The following KLF8 variants were observed in gnomAD, a reference collection of about 807,000 sequenced individuals.
KLF8 encodes the protein KLF transcription factor 8, also known as Krueppel-like factor 8.
KLF8 carries 10 observed loss-of-function variants against 18.2 expected under a neutral mutation model. The observed-to-expected ratio is 0.55, with a 90% CI of 0.34 to 0.93. KLF8 has a LOEUF of 0.93. Ranked by LOEUF, KLF8 falls within the 40% of genes least tolerant of loss-of-function variation. KLF8 has a pLI of 0.02. For synonymous variants in KLF8, 109 were observed against 97.3 expected (o/e 1.12, Z -0.71); for missense variants, 264 against 277.9 (o/e 0.95, Z 0.36).
the KLF8 span, among the ~76,000 whole-genome samples, chrX:56,128,240 C>A: frequency 8.9e-6 from 1 of 112,058 alleles, no homozygotes; most frequent in Non-Finnish European, 1.9e-5. Flanking sequence ...ATTCCATTCA[C>A]TGGAGAGGAG....
the KLF8 span, among the ~76,000 whole-genome samples, chrX:55,963,273 C>G: frequency 8.9e-6 from 1 of 112,074 alleles, no homozygotes; most frequent in Admixed American, 9.5e-5. Context: ...CACTTTATCT[C>G]AGCATCCTCT....
chrX:56,141,007 A>G, the KLF8 span, among the ~76,000 whole-genome samples: 5 of 111,380 alleles, frequency 4.5e-5, no homozygotes, highest in Non-Finnish European at 9.4e-5. Context: ...TTTGAGATGG[A>G]GTCTCACTGT....
At chrX:55,914,533 T>C in the KLF8 span, among the ~76,000 whole-genome samples, 2 of 112,290 alleles carry the variant, frequency 1.8e-5, no homozygotes, top group Non-Finnish European at 3.8e-5. Context: ...AGAGGAGTTT[T>C]GGCAAACTTG....
the KLF8 span, among the ~76,000 whole-genome samples, chrX:56,086,107 G>A: frequency 8.9e-6 from 1 of 112,365 alleles, no homozygotes; most frequent in African/African-American, 3.2e-5. Context: ...GAAAATGTTA[G>A]AAGACCCTTA....
chrX:56,234,970 C>T (rs2066455419), intron 1 of KLF8, among the ~76,000 whole-genome samples: 2 of 111,792 alleles, frequency 1.8e-5, no homozygotes, highest in Non-Finnish European at 3.8e-5. Context: ...TACTTAATGG[C>T]TGTACCTTCA....
chrX:56,036,197 T>C, the KLF8 span, among the ~76,000 whole-genome samples: 1 of 111,978 alleles, frequency 8.9e-6, no homozygotes, highest in Non-Finnish European at 1.9e-5. Flanking sequence ...TCATGGTAAC[T>C]AGCATATTTA....
In KLF8 at chrX:56,232,617, C is replaced by G. The variant is rs2066413550; in HGVS notation, c.-718C>G. ...GTTGCTGCCATTTTTCGCTGAAGCC[C>G]CTGCCCTGGGGCTGGTGTTCTTCTC... On this transcript the variant is annotated 5_prime_UTR_variant, in exon 1 of 6. Coordinates refer to ENST00000468660, the MANE Select transcript of KLF8 (RefSeq NM_007250.5). 9.0e-6 allele frequency: 1 copy of G among 111,585 alleles called. No individual in the cohort carries two copies. Among genetic ancestry groups the G allele is most frequent in the Non-Finnish European group, 1.9e-5 (1 of 53,099 alleles). The allele number at this position is 111,585 out of a possible 1,213,427, so 9.2% of individuals were successfully genotyped here.
the KLF8 span, among the ~76,000 whole-genome samples, chrX:56,222,036 C>T: frequency 9.0e-6 from 1 of 111,290 alleles, no homozygotes; most frequent in African/African-American, 3.3e-5. Flanking sequence ...CACCTCCCCA[C>T]TAGATTAGCT....
chrX:56,227,312 T>A, the KLF8 span, among the ~76,000 whole-genome samples: 1 of 110,312 alleles, frequency 9.1e-6, no homozygotes, highest in African/African-American at 3.3e-5. Flanking sequence ...GACAATCTCA[T>A]ATATTTATTT....
the KLF8 span, among the ~76,000 whole-genome samples, chrX:55,962,700 C>G: frequency 8.9e-6 from 1 of 112,408 alleles, no homozygotes; most frequent in African/African-American, 3.2e-5. Context: ...CATTGTGGCT[C>G]TAAACCAAAC....
the KLF8 span, among the ~76,000 whole-genome samples, chrX:56,161,121 A>C: frequency 9.0e-6 from 1 of 111,214 alleles, no homozygotes; most frequent in Admixed American, 9.6e-5. Context: ...CTCGTCTGTA[A>C]AGTATTTTAT....
chrX:56,254,821 G>T (rs2066767088), intron 2 of KLF8, among the ~76,000 whole-genome samples: 1 of 111,307 alleles, frequency 9.0e-6, no homozygotes. Context: ...TGCCAGCTGA[G>T]CCTGGGTTTT....
chrX:56,185,742 T>A, the KLF8 span, among the ~76,000 whole-genome samples: 1 of 111,684 alleles, frequency 9.0e-6, no homozygotes, highest in Non-Finnish European at 1.9e-5. Context: ...AGAAAAGAAT[T>A]TTCAACCCAG....
At chrX:56,147,639 C>T in the KLF8 span, among the ~76,000 whole-genome samples, 1 of 111,661 alleles carries the variant, frequency 9.0e-6, no homozygotes, top group Non-Finnish European at 1.9e-5. Flanking sequence ...GCAGTGACTA[C>T]TTAAATGGTA....
the KLF8 span, among the ~76,000 whole-genome samples, chrX:55,954,045 A>G: frequency 9.1e-6 from 1 of 110,263 alleles, no homozygotes; most frequent in African/African-American, 3.3e-5. Context: ...CGTATTTGCA[A>G]ATCATACTGT....
At position 56,288,597 on chromosome X, in the gene KLF8, T is replaced by G. The variant is rs1332575048; in HGVS notation, c.*4103T>G. 1.8e-5 allele frequency among the ~76,000 whole-genome samples: 2 copies of G among 112,190 alleles called. No homozygotes were observed. The highest frequency in any genetic ancestry group is 1.9e-4 in the Admixed American group (2 of 10,593). ...TTTGGTTTCCCAGTGCATATAAAATTTTATGTTTACACTATCCTGTAGTCT... is the reference window on the plus strand; with the variant it reads ...TTTGGTTTCCCAGTGCATATAAAATGTTATGTTTACACTATCCTGTAGTCT... On this transcript the variant is annotated 3_prime_UTR_variant, in exon 6 of 6. Coordinates refer to ENST00000468660, the MANE Select transcript of KLF8 (RefSeq NM_007250.5).
At chrX:56,164,725 A>T in the KLF8 span, among the ~76,000 whole-genome samples, 259 of 24,112 alleles carry the variant, frequency 0.011, no homozygotes, top group African/African-American at 0.016. Context: ...CTTTCTTGTT[A>T]TCTCTTTTTT....
At chrX:55,937,302 C>A in the KLF8 span, among the ~76,000 whole-genome samples, 3 of 112,182 alleles carry the variant, frequency 2.7e-5, no homozygotes, top group Non-Finnish European at 5.6e-5. Flanking sequence ...AACAAACCTG[C>A]AGCTGAGGGT....
chrX:56,030,679 C>T, the KLF8 span, among the ~76,000 whole-genome samples: 1 of 107,947 alleles, frequency 9.3e-6, no homozygotes, highest in Non-Finnish European at 1.9e-5. Context: ...GCTTCACTTC[C>T]TTTCTTGTCT....
Sources: allele counts gnomAD v4.1 joint callset (sites outside exome capture counted in the v4.1 genomes callset), GRCh38; gene constraint gnomAD v4.1.1; transcripts MANE v1.5; gene names NCBI Gene and HGNC (gene_info 2026-07-23, HGNC 2026-07-21).